Variants in COP1 observed in about 807,000 individuals in gnomAD.
COP1 encodes E3 ubiquitin-protein ligase COP1.
COP1 carries 24 observed loss-of-function variants against 101.3 expected under a neutral mutation model. That is an observed-to-expected ratio of 0.24 (90% confidence interval 0.17 to 0.33). The LOEUF is 0.33. Among genes scored for constraint, COP1 ranks in the 10% least tolerant of loss-of-function variants. The pLI is 1.00. For missense variants in COP1, 663 were observed against 906.2 expected (o/e 0.73, Z 3.45); for synonymous variants, 347 against 341.9 (o/e 1.01, Z -0.17).
At chr1:176,186,088 T>C (rs555257187) in intron 1 of COP1, among the ~76,000 whole-genome samples, 15 of 151,974 alleles carry the variant, frequency 9.9e-5, no homozygotes, top group Non-Finnish European at 1.9e-4. Flanking sequence ...AAGGGACCCA[T>C]AGTAAAGAAA....
intron 3 of COP1, among the ~76,000 whole-genome samples, chr1:176,170,161 G>A (rs1695818590): frequency 1.3e-5 from 2 of 152,162 alleles, no homozygotes; most frequent in Admixed American, 1.3e-4. Context: ...CTCTACTGAA[G>A]TCTTGAACCC....
chr1:176,168,030 T>C (rs975235452), intron 3 of COP1, among the ~76,000 whole-genome samples: 1 of 152,082 alleles, frequency 6.6e-6, no homozygotes, highest in Non-Finnish European at 1.5e-5. Context: ...AAGAGGATTA[T>C]TCATTAGAGA....
intron 8 of COP1, among the ~76,000 whole-genome samples, chr1:176,117,505 T>TA (rs1245912545): frequency 6.6e-6 from 1 of 152,056 alleles, no homozygotes; most frequent in Non-Finnish European, 1.5e-5. Flanking sequence ...AAGCCTTACA[T>TA]AAAAAACTAT....
rs143233073 is a variant in COP1 at position 176,000,484 on chromosome 1, T to C, written c.1730-11005A>G. Among the ~76,000 whole-genome samples the C allele has an allele frequency of 2.6e-3, 400 of 152,192 alleles. 3 individuals carry two copies. The highest frequency in any genetic ancestry group is 9.2e-3 in the African/African-American group (382 of 41,552). The stretch of plus-strand genomic sequence containing the variant: ...TATCACTGTAAACATGTGAGTAATG[T>C]CTGCACTATGAAGTTATAATGGCTA... On this transcript the variant is annotated intron_variant, in intron 15 of 19. Transcript: ENST00000367669.
chr1:175,989,510 T>A lies in COP1; in HGVS notation c.1730-31A>T, dbSNP rs1317193425. ...ACAAAACAAAATTAGATAAATGTAG[T>A]AAATGCAGAAATGGAAAGCAAAGTT... On this transcript the variant is annotated intron_variant, in intron 15 of 19. Coordinates refer to ENST00000367669, the MANE Select transcript of COP1 (RefSeq NM_022457.7). The A allele has an allele frequency of 6.6e-6, 8 of 1,207,068 alleles. No individual in the cohort carries two copies. The African/African-American group carries it at 9.0e-5, about 14-fold the overall frequency. 74.8% of individuals were successfully genotyped at this position (1,207,068 alleles called of 1,614,324 possible). A position where few individuals can be genotyped will look rare whatever the true frequency, so the allele number is the denominator to read the frequency against.
At chr1:176,060,693 A>C (rs1266919237) in intron 11 of COP1, among the ~76,000 whole-genome samples, 1 of 152,176 alleles carries the variant, frequency 6.6e-6, no homozygotes. Context: ...CCTTAAAACT[A>C]TGATATAAAG....
At chr1:176,027,818 AG>A in intron 14 of COP1, 130 bp from the exon 15 acceptor site, 1 of 627,146 alleles carries the variant, frequency 1.6e-6, no homozygotes, top group Non-Finnish European at 2.8e-6. Flanking sequence ...TTGGTTTACT[AG>A]GACTAAAAGT....
At chr1:176,125,486 T>C (rs1435801184) in intron 8 of COP1, among the ~76,000 whole-genome samples, 1 of 152,170 alleles carries the variant, frequency 6.6e-6, no homozygotes, top group Non-Finnish European at 1.5e-5. Flanking sequence ...AGAGAATATC[T>C]TTTCCCCAAT....
At chr1:176,062,921 T>A (rs185869739) in intron 11 of COP1, among the ~76,000 whole-genome samples, 204 of 152,082 alleles carry the variant, frequency 1.3e-3, no homozygotes, top group African/African-American at 4.6e-3. Flanking sequence ...GTTCCACTTA[T>A]AAGAAATTTT....
rs1648970120 is a variant in COP1, at chr1:175,944,855, TTTG to T, written c.*295_*297del. The T allele has an allele frequency of 5.4e-6, 2 of 371,442 alleles. No homozygotes were observed. Among genetic ancestry groups the T allele is most frequent in the East Asian group, 4.5e-5 (1 of 22,216 alleles). 23.0% of individuals were successfully genotyped at this position (371,442 alleles called of 1,614,324 possible). ...CTGTGGCTCAATAAACTTTTATTGT[TTTG>T]TTATTTATTTTTATTCAAAAGAATT... On this transcript the variant is annotated 3_prime_UTR_variant, in exon 20 of 20. Coordinates refer to ENST00000367669, the MANE Select transcript of COP1 (RefSeq NM_022457.7).
intron 11 of COP1, among the ~76,000 whole-genome samples, chr1:176,061,240 T>G (rs546322869): frequency 6.6e-6 from 1 of 152,318 alleles, no homozygotes; most frequent in South Asian, 2.1e-4. Context: ...ATATATACAG[T>G]CAATTCATTT....
intron 3 of COP1, among the ~76,000 whole-genome samples, chr1:176,172,177 G>A (rs957520292): frequency 6.6e-6 from 1 of 152,130 alleles, no homozygotes; most frequent in African/African-American, 2.4e-5. Context: ...AGCCTCCCAA[G>A]AAGCTAGGAC....
chr1:176,150,383 A>T (rs2149832456), intron 5 of COP1, among the ~76,000 whole-genome samples: 1 of 152,368 alleles, frequency 6.6e-6, no homozygotes, highest in South Asian at 2.1e-4. Flanking sequence ...AAAACATAGA[A>T]TCATGAAGAT....
At chr1:176,075,693 T>G (rs931467701) in intron 11 of COP1, among the ~76,000 whole-genome samples, 3 of 152,056 alleles carry the variant, frequency 2.0e-5, no homozygotes, top group African/African-American at 7.2e-5. Context: ...ACAAGAAGAC[T>G]TAGCCACACA....
chr1:176,157,179 G>C (rs745835198), intron 5 of COP1, among the ~76,000 whole-genome samples: 1 of 152,050 alleles, frequency 6.6e-6, no homozygotes, highest in Non-Finnish European at 1.5e-5. Flanking sequence ...GAGTGACAAA[G>C]AGAGACTCCA....
At chr1:176,118,261 A>G (rs1686537937) in intron 8 of COP1, among the ~76,000 whole-genome samples, 1 of 152,230 alleles carries the variant, frequency 6.6e-6, no homozygotes, top group South Asian at 2.1e-4. Flanking sequence ...CATTCAATAA[A>G]CTTTAGTTTC....
intron 18 of COP1, among the ~76,000 whole-genome samples, chr1:175,965,861 C>T (rs1017551304): frequency 2.0e-5 from 3 of 152,052 alleles, no homozygotes; most frequent in Non-Finnish European, 2.9e-5. Context: ...GGATTACAAG[C>T]GTGAGCCACC....
intron 11 of COP1, among the ~76,000 whole-genome samples, chr1:176,067,238 A>G (rs1007974291): frequency 6.6e-6 from 1 of 152,146 alleles, no homozygotes; most frequent in South Asian, 2.1e-4. Flanking sequence ...GGGGCAGTGA[A>G]GTGCTGGGAG....
chr1:176,139,279 C>CAAA (rs201417535), intron 6 of COP1, among the ~76,000 whole-genome samples: 7 of 124,928 alleles, frequency 5.6e-5, no homozygotes, highest in African/African-American at 1.7e-4. Flanking sequence ...AAAACAAAAA[C>CAAA]AAAAAAAACA....
Sources: allele counts gnomAD v4.1 joint callset (sites outside exome capture counted in the v4.1 genomes callset), GRCh38; gene constraint gnomAD v4.1.1; transcripts MANE v1.5; gene names NCBI Gene and HGNC (gene_info 2026-07-23, HGNC 2026-07-21).